YES1: variants seen among roughly 807,000 people sequenced by gnomAD.
YES1 encodes YES proto-oncogene 1, Src family tyrosine kinase.
In YES1, 39 loss-of-function variants were observed where a neutral mutation model predicts 70.4. The ratio of observed to expected loss-of-function variants is 0.55; its 90% CI spans 0.43 to 0.72. The LOEUF is 0.72. YES1 is among the 30% of genes least tolerant of loss of function. YES1 has a pLI of 0.00. For synonymous variants in YES1, 198 were observed against 218.6 expected, an observed-to-expected ratio of 0.91 and a Z score of 0.83; for missense variants, 495 against 644.8, an observed-to-expected ratio of 0.77 and a Z score of 2.52.
intron 1 of YES1, among the ~76,000 whole-genome samples, chr18:763,079 C>T (rs1212366938): frequency 6.6e-6 from 1 of 152,122 alleles, no homozygotes; most frequent in South Asian, 2.1e-4. Flanking sequence ...GAAAAGTGTA[C>T]AGAATGGCTC....
intron 10 of YES1, among the ~76,000 whole-genome samples, chr18:734,053 C>T (rs1383447387): frequency 6.6e-6 from 1 of 152,114 alleles, no homozygotes; most frequent in African/African-American, 2.4e-5. Context: ...CCGAGGTGGG[C>T]AGATCACCTA....
intron 1 of YES1, among the ~76,000 whole-genome samples, chr18:795,893 A>G (rs973363271): frequency 1.4e-5 from 2 of 147,234 alleles, no homozygotes; most frequent in African/African-American, 5.1e-5. Flanking sequence ...CACGTTCAGC[A>G]CATGTATCCC....
rs145342028 is a variant in YES1, at chr18:782,064, C to T, written c.-8-25229G>A. 6.0e-4 allele frequency among the ~76,000 whole-genome samples: 92 copies of T among 152,204 alleles called. 1 individual carries two copies. The East Asian group carries it at 0.017, about 28-fold the overall frequency. On this transcript the variant is annotated intron_variant, in intron 1 of 11. Coordinates refer to ENST00000314574, the MANE Select transcript of YES1 (RefSeq NM_005433.4). ...CCTGGTCTTTCCATCACTTCCCTTG[C>T]TTCCCCATTTTCTCTCCTCTCCCCA...
rs978006493 is a variant in YES1, at chr18:724,344, C to CT, written c.*79dup. 7.4e-7 allele frequency: 1 copy of CT among 1,349,318 alleles called. No homozygotes were observed. The highest frequency in any genetic ancestry group is 1.5e-5 in the African/African-American group (1 of 67,806). The allele number at this position is 1,349,318 out of a possible 1,614,324, so 83.6% of individuals were successfully genotyped here. On this transcript the variant is annotated 3_prime_UTR_variant, in exon 12 of 12. Transcript: ENST00000314574. ...AAACATGCAGAGTAAAGAAGATTTT[C>CT]TTCTTTTGATTCCTGTAGAAAATCT... is the stretch of plus-strand genomic sequence containing the variant.
In YES1 at chr18:763,676, C is replaced by T. The variant is rs115892045; in HGVS notation, c.-8-6841G>A. Among the ~76,000 whole-genome samples the T allele has an allele frequency of 4.1e-3, 590 of 143,366 alleles. 3 individuals are homozygous for T. The highest frequency in any genetic ancestry group is 0.015 in the African/African-American group (563 of 38,086). The allele number at this position is 143,366 out of a possible 152,430, so 94.1% of individuals were successfully genotyped here. A position where few individuals can be genotyped will look rare whatever the true frequency, so the allele number is the denominator to read the frequency against. The stretch of plus-strand genomic sequence containing the variant: ...CTGTGATCGTGCCACTGCACTCCAT[C>T]CTGGATGACAGAGGAGATCCTGTCT... On this transcript the variant is annotated intron_variant, in intron 1 of 11. Coordinates refer to ENST00000314574, the MANE Select transcript of YES1 (RefSeq NM_005433.4).
intron 4 of YES1, among the ~76,000 whole-genome samples, chr18:747,288 G>A (rs1475693603): frequency 5.9e-5 from 9 of 152,152 alleles, no homozygotes; most frequent in African/African-American, 2.2e-4. Context: ...TGGCCAATAG[G>A]CGAAACCCCG....
At chr18:761,441 T>C (rs1904589789) in intron 1 of YES1, among the ~76,000 whole-genome samples, 1 of 152,164 alleles carries the variant, frequency 6.6e-6, no homozygotes, top group Admixed American at 6.5e-5. Context: ...TAAATTCTGA[T>C]AGGAGGCCAA....
chr18:779,945 C>A, intron 1 of YES1, among the ~76,000 whole-genome samples: 1 of 147,680 alleles, frequency 6.8e-6, no homozygotes. Context: ...TTAAGAGAGA[C>A]TAAAGAGGCT....
chr18:722,248 A>G lies in YES1; in HGVS notation c.*2176T>C, dbSNP rs2145645244. The G allele has an allele frequency of 6.5e-6, 1 of 152,740 alleles. No individual in the cohort carries two copies. The highest frequency in any genetic ancestry group is 2.1e-4 in the South Asian group (1 of 4,824). 9.5% of individuals were successfully genotyped at this position (152,740 alleles called of 1,614,324 possible). A position where few individuals can be genotyped will look rare whatever the true frequency, so the allele number is the denominator to read the frequency against. ...GTTGATAAGAGGAAATAATGACAGC[A>G]CTCTTCTTAGGAAGACCCTCTTGGT... On this transcript the variant is annotated 3_prime_UTR_variant, in exon 12 of 12. Coordinates refer to ENST00000314574, the MANE Select transcript of YES1 (RefSeq NM_005433.4).
rs746168302 is a variant in YES1, at chr18:736,769, C to T, written c.1291+39G>A. ...ATAGTCAAGAGAGTTAAGCAAAACA[C>T]ACAACACATTACAAGCTTTTATGTA... On this transcript the variant is annotated intron_variant, in intron 10 of 11. Coordinates refer to ENST00000314574, the MANE Select transcript of YES1 (RefSeq NM_005433.4). 35 of 1,595,814 alleles carry T rather than the reference C, an allele frequency of 2.2e-5. No homozygotes were observed. The South Asian group carries it at 3.2e-4, about 15-fold the overall frequency.
At chr18:733,994 G>A (rs946997549) in intron 10 of YES1, among the ~76,000 whole-genome samples, 1 of 152,100 alleles carries the variant, frequency 6.6e-6, no homozygotes, top group Non-Finnish European at 1.5e-5. Context: ...AAAAGTGGCA[G>A]GTGGTTGGGC....
intron 1 of YES1, among the ~76,000 whole-genome samples, chr18:763,454 G>A (rs1313747238): frequency 6.6e-6 from 1 of 152,094 alleles, no homozygotes; most frequent in Non-Finnish European, 1.5e-5. Context: ...CAGCATTTTG[G>A]GAAGCTGAGG....
chr18:787,757 T>G (rs891377115), intron 1 of YES1: 2 of 152,168 alleles, frequency 1.3e-5, no homozygotes, highest in Non-Finnish European at 2.9e-5. Context: ...TTCCCCATCA[T>G]CATTTAGGAC....
intron 11 of YES1, among the ~76,000 whole-genome samples, chr18:729,332 T>C (rs1226380608): frequency 1.3e-5 from 2 of 151,956 alleles, no homozygotes; most frequent in East Asian, 1.9e-4. Flanking sequence ...GGAGAATCGC[T>C]GGAACCTGGG....
chr18:725,954 G>A (rs1164657005), intron 11 of YES1, among the ~76,000 whole-genome samples: 1 of 152,118 alleles, frequency 6.6e-6, no homozygotes, highest in South Asian at 2.1e-4. Context: ...GTTGGGTGAA[G>A]GAGAAAAGGA....
intron 1 of YES1, among the ~76,000 whole-genome samples, chr18:758,658 C>A (rs936558369): frequency 2.6e-5 from 4 of 152,130 alleles, no homozygotes; most frequent in Admixed American, 1.3e-4. Flanking sequence ...AGTAAAATAT[C>A]TTTTCTCTTA....
intron 11 of YES1, among the ~76,000 whole-genome samples, chr18:731,921 C>T (rs1298561851): frequency 2.3e-5 from 3 of 132,718 alleles, no homozygotes; most frequent in Non-Finnish European, 4.6e-5. Flanking sequence ...GAGCTGAGAT[C>T]GTGCCACTGC....
intron 1 of YES1, among the ~76,000 whole-genome samples, chr18:810,317 C>T (rs1336091973): frequency 6.6e-6 from 1 of 152,086 alleles, no homozygotes; most frequent in African/African-American, 2.4e-5. Flanking sequence ...ATTTTACTTG[C>T]ATAGACATTA....
At chr18:783,617 CT>C (rs71805434) in intron 1 of YES1, among the ~76,000 whole-genome samples, 52,094 of 143,042 alleles carry the variant, frequency 0.36, 9,417 homozygotes, top group African/African-American at 0.5. Flanking sequence ...CAATTTTTCT[CT>C]TTTTTTTTTT....
Sources: allele counts gnomAD v4.1 joint callset (sites outside exome capture counted in the v4.1 genomes callset), GRCh38; gene constraint gnomAD v4.1.1; transcripts MANE v1.5; gene names NCBI Gene and HGNC (gene_info 2026-07-23, HGNC 2026-07-21).